ABCC2: variants seen among roughly 807,000 people sequenced by gnomAD.
The protein encoded by ABCC2 is ATP-binding cassette sub-family C member 2.
ABCC2 carries 157 observed loss-of-function variants against 173.4 expected under a neutral mutation model. The ratio of observed to expected loss-of-function variants is 0.91; its 90% CI spans 0.80 to 1.03. The LOEUF is 1.03. Ranked by LOEUF, ABCC2 falls within the 50% of genes least tolerant of loss-of-function variation. The pLI, the probability that ABCC2 is intolerant of heterozygous loss-of-function variation, is 0.00. For missense variants in ABCC2, 1,822 were observed against 1,852.3 expected, an observed-to-expected ratio of 0.98 and a Z score of 0.30; for synonymous variants, 657 against 693.5, an observed-to-expected ratio of 0.95 and a Z score of 0.83.
At chr10:99,801,594 C>T (rs573374186) in intron 9 of ABCC2, among the ~76,000 whole-genome samples, 1 of 152,258 alleles carries the variant, frequency 6.6e-6, no homozygotes, top group South Asian at 2.1e-4. Flanking sequence ...TCATGTCCTC[C>T]ATACCAAGAT....
intron 25 of ABCC2, among the ~76,000 whole-genome samples, chr10:99,840,381 AGCCGCG>A (rs1353787542): frequency 6.9e-6 from 1 of 145,060 alleles, no homozygotes; most frequent in African/African-American, 2.5e-5. Flanking sequence ...GCCAACCACC[AGCCGCG>A]GCCACCATGG....
At chr10:99,825,925 G>A (rs547732203) in intron 19 of ABCC2, among the ~76,000 whole-genome samples, 12 of 152,362 alleles carry the variant, frequency 7.9e-5, no homozygotes, top group Non-Finnish European at 1.8e-4. Flanking sequence ...AAACCCTGAG[G>A]AACAAATGGC....
chr10:99,843,392 A>G (rs996138997), intron 26 of ABCC2, among the ~76,000 whole-genome samples: 2 of 152,184 alleles, frequency 1.3e-5, no homozygotes, highest in African/African-American at 4.8e-5. Flanking sequence ...CAAACTCCTG[A>G]GTCTTTTTCT....
intron 19 of ABCC2, among the ~76,000 whole-genome samples, chr10:99,827,652 A>G (rs1036707027): frequency 4.6e-5 from 7 of 151,990 alleles, no homozygotes; most frequent in African/African-American, 1.7e-4. Context: ...TTTTAGATCT[A>G]AAGTTCCTTG....
chr10:99,841,926 G>A (rs200527635), intron 25 of ABCC2, 41 bp from the exon 26 acceptor site: 67 of 1,613,780 alleles, frequency 4.2e-5, no homozygotes, highest in African/African-American at 1.2e-4. Flanking sequence ...AGATGAGGAC[G>A]TGATCAGTGA....
chr10:99,842,343 GT>G (rs2038960818), intron 26 of ABCC2, among the ~76,000 whole-genome samples: 1 of 152,112 alleles, frequency 6.6e-6, no homozygotes. Flanking sequence ...AATTTCATAT[GT>G]TTCAATCTAA....
intron 16 of ABCC2, among the ~76,000 whole-genome samples, chr10:99,815,031 A>G (rs565428825): frequency 4.0e-5 from 6 of 150,798 alleles, no homozygotes; most frequent in Non-Finnish European, 8.9e-5. Context: ...GGTTTGTTAC[A>G]TAGGTGTACA....
intron 21 of ABCC2, 79 bp downstream of exon 21, chr10:99,830,930 GA>G: frequency 6.6e-7 from 1 of 1,524,616 alleles, no homozygotes; most frequent in Non-Finnish European, 9.1e-7. Context: ...AGTGAAAATT[GA>G]ACGCATACTT....
At position 99,797,168 on chromosome 10, in the gene ABCC2, C is replaced by G; in HGVS notation, c.704C>G (p.Thr235Ser). 1 of 1,614,080 alleles carries G rather than the reference C, an allele frequency of 6.2e-7. No individual in the cohort carries two copies. Among genetic ancestry groups the G allele is most frequent in the African/African-American group, 1.3e-5 (1 of 75,018 alleles). ...TGGGAAGTTGATGAAGAGATGAAAA[C>G]CAAGACATTAGTGAGCAAGTTTGAA... ...DVWEVDEEMK[T>S]KTLVSKFETH... The change falls in exon 7 of 32, where the codon ACC (threonine) becomes AGC (serine). Residue 235 changes from threonine to serine, a missense_variant. Coordinates refer to ENST00000647814, the MANE Select transcript of ABCC2 (RefSeq NM_000392.5).
rs564150368 is a variant in ABCC2, at chr10:99,831,990, C to T, written c.3117C>T (p.Phe1039=). ...ALGLAQGIFV[F]IAHFWSAFGF... ...TTCCATCTCTAGGTATATTTGTGTT[C>T]ATAGCACATTTCTGGAGTGCCTTTG... The change falls in exon 23 of 32, where the codon TTC becomes TTT. Residue 1039 remains phenylalanine, a synonymous_variant. Coordinates refer to ENST00000647814, the MANE Select transcript of ABCC2 (RefSeq NM_000392.5). The T allele has an allele frequency of 1.2e-6, 2 of 1,614,190 alleles. No homozygotes were observed. Among genetic ancestry groups the T allele is most frequent in the African/African-American group, 1.3e-5 (1 of 75,064 alleles).
chr10:99,841,923 G>A (rs1244538709), intron 25 of ABCC2, 44 bp from the exon 26 acceptor site: 1 of 1,613,840 alleles, frequency 6.2e-7, no homozygotes, highest in Admixed American at 1.7e-5. Context: ...TTAAGATGAG[G>A]ACGTGATCAG....
chr10:99,784,263 A>G (rs2037667722), intron 1 of ABCC2, among the ~76,000 whole-genome samples: 1 of 152,148 alleles, frequency 6.6e-6, no homozygotes, highest in South Asian at 2.1e-4. Context: ...TTTATATCCC[A>G]GGGAACTATT....
At chr10:99,787,109 A>G (rs1173305282) in intron 2 of ABCC2, among the ~76,000 whole-genome samples, 1 of 151,666 alleles carries the variant, frequency 6.6e-6, no homozygotes. Flanking sequence ...TGGAGGTTAC[A>G]GTGAGCCAAG....
intron 8 of ABCC2, among the ~76,000 whole-genome samples, chr10:99,800,100 T>C (rs1202754551): frequency 6.6e-6 from 1 of 152,196 alleles, no homozygotes; most frequent in African/African-American, 2.4e-5. Context: ...TTTAGGAGGC[T>C]GAGGTGGGAG....
At position 99,844,365 on chromosome 10, in the gene ABCC2, G is replaced by GC; in HGVS notation, c.3888dup (p.Lys1297GlnfsTer7). 6.2e-7 allele frequency: 1 copy of GC among 1,614,218 alleles called. No homozygotes were observed. The highest frequency in any genetic ancestry group is 8.5e-7 in the Non-Finnish European group (1 of 1,180,034). ...AAGAGGCCTCCGCCAGATTGGCCCAGCAAAGGCAAGATCCAGTTTAACAAC... is the reference window on the plus strand; with the variant it reads ...AAGAGGCCTCCGCCAGATTGGCCCAGCCAAAGGCAAGATCCAGTTTAACAAC... On this transcript the variant is annotated frameshift_variant, in exon 28 of 32. Transcript: ENST00000647814. LOFTEE classifies it high-confidence loss of function.
chr10:99,792,392 T>A, intron 3 of ABCC2, 33 bp downstream of exon 3: 1 of 1,611,688 alleles, frequency 6.2e-7, no homozygotes. Context: ...CCTGTTTACC[T>A]TTTCATTACC....
Position 99,808,822 on chromosome 10 carries a change from C to T in ABCC2, c.1815+593C>T, listed in dbSNP as rs1311946478. On this transcript the variant is annotated intron_variant, in intron 13 of 31. Transcript: ENST00000647814. ...GACAGGCAGCAGACTGATGAGAAGG[C>T]CTGAATGACAGGAGTGTGGTGACTT... Among the ~76,000 whole-genome samples, 4 of 152,200 alleles carry T rather than the reference C, an allele frequency of 2.6e-5. No homozygotes were observed. In the East Asian group the frequency reaches 7.7e-4, roughly 29 times the overall value.
rs184812159 is a variant in ABCC2, at chr10:99,786,269, C to T, written c.207+1488C>T. Among the ~76,000 whole-genome samples the T allele has an allele frequency of 3.3e-5, 5 of 151,996 alleles. No individual in the cohort carries two copies. The East Asian group carries it at 9.7e-4, about 29-fold the overall frequency. ...AGGCCAGCCTGGCAACATAGTGAGT[C>T]CCCATCTCTTAAAAAAATAAAATAA... On this transcript the variant is annotated intron_variant, in intron 2 of 31. Transcript: ENST00000647814.
At chr10:99,842,459 C>T (rs1329557923) in intron 26 of ABCC2, among the ~76,000 whole-genome samples, 2 of 152,084 alleles carry the variant, frequency 1.3e-5, no homozygotes, top group Admixed American at 6.5e-5. Flanking sequence ...AATAATTCCT[C>T]CTGTGTTTAT....
Sources: allele counts gnomAD v4.1 joint callset (sites outside exome capture counted in the v4.1 genomes callset), GRCh38; gene constraint gnomAD v4.1.1; transcripts MANE v1.5; gene names NCBI Gene and HGNC (gene_info 2026-07-23, HGNC 2026-07-21).